CA1: variants seen among roughly 807,000 people sequenced by gnomAD.
CA1 encodes carbonate dehydratase I.
A neutral mutation model predicts 28.8 loss-of-function variants in CA1; 27 were observed. The ratio of observed to expected loss-of-function variants is 0.94; its 90% CI spans 0.69 to 1.29. The LOEUF (loss-of-function observed/expected upper bound fraction) is 1.29, where lower values mean the gene tolerates loss of function less well. Among genes scored for constraint, CA1 ranks in the 50% most tolerant of loss-of-function variants. The pLI, the probability that CA1 is intolerant of heterozygous loss-of-function variation, is 0.00. For missense variants in CA1, 335 were observed against 310.5 expected (o/e 1.08, Z -0.59); for synonymous variants, 121 against 108.8 (o/e 1.11, Z -0.70).
In CA1 at chr8:85,336,929, TA is replaced by T; in HGVS notation, c.354+15del. Reference sequence around the variant, plus strand: ...ACTCTCAGGGTAATTATCTCTCACTTACTAAATTACATTACCTCGGCAGAAT... The same window carrying T: ...ACTCTCAGGGTAATTATCTCTCACTTCTAAATTACATTACCTCGGCAGAAT... On this transcript the variant is annotated intron_variant, in intron 4 of 7. Transcript: ENST00000523022. 1 of 1,449,082 alleles carries T rather than the reference TA, an allele frequency of 6.9e-7. No homozygotes were observed. Among genetic ancestry groups the T allele is most frequent in the Non-Finnish European group, 9.7e-7 (1 of 1,029,696 alleles). 89.8% of individuals were successfully genotyped at this position (1,449,082 alleles called of 1,614,324 possible). A position where few individuals can be genotyped will look rare whatever the true frequency, so the allele number is the denominator to read the frequency against.
chr8:85,369,541 A>G (rs540143526), intron 1 of CA1, among the ~76,000 whole-genome samples: 1 of 152,218 alleles, frequency 6.6e-6, no homozygotes, highest in Non-Finnish European at 1.5e-5. Flanking sequence ...AAGTAAAGAC[A>G]TGCATTTTGA....
At chr8:85,357,952 A>G (rs1809660503) in intron 1 of CA1, among the ~76,000 whole-genome samples, 1 of 152,186 alleles carries the variant, frequency 6.6e-6, no homozygotes, top group African/African-American at 2.4e-5. Flanking sequence ...GAATTCATTT[A>G]TTTATTCATT....
In CA1 at chr8:85,328,614, G is replaced by T. The variant is rs943445568; in HGVS notation, c.732C>A (p.His244Gln). Residue 244 changes from histidine to glutamine, a missense_variant, in exon 8 of 8, where the codon CAC (histidine) becomes CAA (glutamine). His to Gln is a conservative substitution (Grantham distance 24). Coordinates refer to ENST00000523022, the MANE Select transcript of CA1 (RefSeq NM_001128831.4). ...TCAGAGGTTGGGTTGGGCGGTTGTT[G>T]TGCTGCATGGGGACAGCGTTATCAC... ...VEGDNAVPMQ[H>Q]NNRPTQPLKG... 6.2e-7 allele frequency: 1 copy of T among 1,612,010 alleles called. No individual in the cohort carries two copies. Among genetic ancestry groups the T allele is most frequent in the African/African-American group, 1.3e-5 (1 of 74,842 alleles).
At position 85,361,789 on chromosome 8, in the gene CA1, C is replaced by T. The variant is rs144011083; in HGVS notation, c.-25+16257G>A. Among the ~76,000 whole-genome samples, 7 of 152,264 alleles carry T rather than the reference C, an allele frequency of 4.6e-5. No homozygotes were observed. The East Asian group carries it at 1.2e-3, about 25-fold the overall frequency. ...ATGTGGAAACTCCATGTGGATTGCA[C>T]CTCATCCTTTCTTCACTGGACCAGC... On this transcript the variant is annotated intron_variant, in intron 1 of 7. Transcript: ENST00000523022.
At chr8:85,354,074 C>G (rs2130304204) in intron 1 of CA1, among the ~76,000 whole-genome samples, 1 of 151,998 alleles carries the variant, frequency 6.6e-6, no homozygotes, top group Non-Finnish European at 1.5e-5. Flanking sequence ...AGAGATCCTC[C>G]CAGCTCAGCC....
At chr8:85,368,215 T>A (rs1388657374) in intron 1 of CA1, among the ~76,000 whole-genome samples, 1 of 152,004 alleles carries the variant, frequency 6.6e-6, no homozygotes, top group East Asian at 1.9e-4. Flanking sequence ...GTTGCCAGGC[T>A]GGAGTGCAGT....
intron 3 of CA1, among the ~76,000 whole-genome samples, chr8:85,337,414 TC>T (rs754433861): frequency 1.2e-4 from 18 of 152,210 alleles, no homozygotes; most frequent in Non-Finnish European, 2.2e-4. Flanking sequence ...ATTCCTTCAT[TC>T]TTTCAACAAA....
chr8:85,355,424 G>T (rs933803401), intron 1 of CA1, among the ~76,000 whole-genome samples: 1 of 152,086 alleles, frequency 6.6e-6, no homozygotes, highest in East Asian at 1.9e-4. Context: ...AAAAGACAGG[G>T]TCTTTCTCTG....
intron 4 of CA1, 58 bp from the exon 5 acceptor site, chr8:85,333,678 G>GTTAAC: frequency 8.9e-7 from 1 of 1,117,622 alleles, no homozygotes; most frequent in Non-Finnish European, 1.3e-6. Context: ...AAAAAGATAA[G>GTTAAC]TTATAAGTTA....
At chr8:85,344,004 C>T (rs1360223155) in intron 1 of CA1, among the ~76,000 whole-genome samples, 1 of 148,564 alleles carries the variant, frequency 6.7e-6, no homozygotes, top group African/African-American at 2.5e-5. Context: ...GTATACTTTT[C>T]CAGGATGATC....
At chr8:85,347,711 A>C (rs1809255567) in intron 1 of CA1, among the ~76,000 whole-genome samples, 1 of 152,120 alleles carries the variant, frequency 6.6e-6, no homozygotes, top group Non-Finnish European at 1.5e-5. Flanking sequence ...TGTCTTGTTC[A>C]TACAAGACAT....
At chr8:85,368,714 TAA>T (rs60539820) in intron 1 of CA1, among the ~76,000 whole-genome samples, 1 of 151,588 alleles carries the variant, frequency 6.6e-6, no homozygotes, top group Non-Finnish European at 1.5e-5. Context: ...GAGAAACAGG[TAA>T]AAAAAAGAGA....
intron 1 of CA1, among the ~76,000 whole-genome samples, chr8:85,350,374 C>G (rs937503146): frequency 2.0e-5 from 3 of 152,082 alleles, no homozygotes; most frequent in Non-Finnish European, 4.4e-5. Flanking sequence ...ACTTGAAAGG[C>G]GCTGCATTTC....
intron 6 of CA1, chr8:85,332,283 C>G (rs1808438102): frequency 5.6e-6 from 3 of 537,730 alleles, no homozygotes; most frequent in Non-Finnish European, 1.0e-5. Flanking sequence ...ATAAATAAAC[C>G]ATAACTATGA....
At chr8:85,368,089 A>G (rs1345980725) in intron 1 of CA1, among the ~76,000 whole-genome samples, 3 of 151,982 alleles carry the variant, frequency 2.0e-5, no homozygotes, top group Non-Finnish European at 4.4e-5. Context: ...AAAATATTGA[A>G]AGAAGAGAGG....
chr8:85,372,823 C>A (rs1810277968), intron 1 of CA1, among the ~76,000 whole-genome samples: 1 of 152,170 alleles, frequency 6.6e-6, no homozygotes, highest in Non-Finnish European at 1.5e-5. Context: ...TCCATCATAT[C>A]GCCTCTGTAC....
At chr8:85,377,139 A>G (rs1036125042) in intron 1 of CA1, among the ~76,000 whole-genome samples, 1 of 152,210 alleles carries the variant, frequency 6.6e-6, no homozygotes, top group Non-Finnish European at 1.5e-5. Flanking sequence ...ATAACCTGAT[A>G]TATTAGAAAA....
intron 1 of CA1, among the ~76,000 whole-genome samples, chr8:85,362,028 A>G (rs1014174721): frequency 1.3e-5 from 2 of 152,216 alleles, no homozygotes; most frequent in Non-Finnish European, 2.9e-5. Context: ...CACTTCTGGC[A>G]GTCACAAATC....
At chr8:85,351,277 G>C (rs1299370594) in intron 1 of CA1, among the ~76,000 whole-genome samples, 1 of 152,102 alleles carries the variant, frequency 6.6e-6, no homozygotes, top group Non-Finnish European at 1.5e-5. Context: ...CATTTATTTT[G>C]GTTAATGTTT....
Sources: allele counts gnomAD v4.1 joint callset (sites outside exome capture counted in the v4.1 genomes callset), GRCh38; gene constraint gnomAD v4.1.1; transcripts MANE v1.5; gene names NCBI Gene and HGNC (gene_info 2026-07-23, HGNC 2026-07-21).